SLC22A23: variants seen among roughly 807,000 people sequenced by gnomAD.
SLC22A23 encodes ion transporter protein.
Under a neutral mutation model 61.0 loss-of-function variants are expected in SLC22A23, and 26 were observed. That is an observed-to-expected ratio of 0.43 (90% CI 0.31 to 0.59). The LOEUF is 0.59. Ranked by LOEUF, SLC22A23 falls within the 20% of genes least tolerant of loss-of-function variation. The pLI, the probability that SLC22A23 is intolerant of heterozygous loss-of-function variation, is 0.11. For synonymous variants in SLC22A23, 430 were observed against 413.9 expected, an observed-to-expected ratio of 1.04 and a Z score of -0.47; for missense variants, 796 against 934.7, an observed-to-expected ratio of 0.85 and a Z score of 1.94.
chr6:3,360,586 A>G lies in SLC22A23; in HGVS notation c.914-36584T>C, dbSNP rs1437984284. The stretch of plus-strand genomic sequence containing the variant: ...ACTTTGGGGCCTTTGCACACATCCG[A>G]GTCAACCTCAACAGTCTTAGTCCAC... On this transcript the variant is annotated intron_variant, in intron 3 of 9. Coordinates refer to ENST00000406686, the MANE Select transcript of SLC22A23 (RefSeq NM_015482.2). The surrounding 1 kb of genome is among the most constrained non-coding windows in gnomAD (Gnocchi z 4.6). 6.6e-6 allele frequency among the ~76,000 whole-genome samples: 1 copy of G among 152,224 alleles called. No homozygotes were observed. The highest frequency in any genetic ancestry group is 1.5e-5 in the Non-Finnish European group (1 of 68,030).
intron 4 of SLC22A23, among the ~76,000 whole-genome samples, chr6:3,300,207 C>T (rs1182836168): frequency 1.3e-5 from 2 of 151,926 alleles, no homozygotes; most frequent in South Asian, 2.1e-4. Flanking sequence ...GATGGGGTTT[C>T]ACCATGTTGG....
intron 3 of SLC22A23, among the ~76,000 whole-genome samples, chr6:3,348,454 G>A (rs1764571280): frequency 1.3e-5 from 2 of 152,252 alleles, no homozygotes; most frequent in Admixed American, 6.5e-5. Context: ...TGTTTATCTT[G>A]CTCTCAGTTT....
Position 3,382,094 on chromosome 6 carries a change from GCT to G in SLC22A23, c.913+28092_913+28093del, listed in dbSNP as rs1766988882. Among the ~76,000 whole-genome samples the G allele has an allele frequency of 2.0e-5, 3 of 152,200 alleles. No homozygotes were observed. The South Asian group carries it at 6.2e-4, about 32-fold the overall frequency. ...TAGAGCTCTTCAAGGATGCTGCTCT[GCT>G]CTCTCAGTTCAACAAAGATAAGTCA... On this transcript the variant is annotated intron_variant, in intron 3 of 9. Coordinates refer to ENST00000406686, the MANE Select transcript of SLC22A23 (RefSeq NM_015482.2).
rs1042031944 is a variant in SLC22A23 at position 3,317,963 on chromosome 6, C to T, written c.1082+5871G>A. Among the ~76,000 whole-genome samples the T allele has an allele frequency of 6.6e-6, 1 of 152,148 alleles. No individual in the cohort carries two copies. Among genetic ancestry groups the T allele is most frequent in the Admixed American group, 6.5e-5 (1 of 15,280 alleles). On this transcript the variant is annotated intron_variant, in intron 4 of 9. Coordinates refer to ENST00000406686, the MANE Select transcript of SLC22A23 (RefSeq NM_015482.2). This position sits in a 1 kb window ranked among gnomAD's most constrained non-coding sequence, Gnocchi z 4.4. Reference sequence around the variant, plus strand: ...AGGCAGCTCGTGCAATGACATCGCTCGCCTATCTTGGCTCCACTTGCTGGA... The same window carrying T: ...AGGCAGCTCGTGCAATGACATCGCTTGCCTATCTTGGCTCCACTTGCTGGA...
intron 5 of SLC22A23, chr6:3,291,887 T>A (rs79623594): frequency 6.6e-6 from 1 of 152,162 alleles, no homozygotes; most frequent in African/African-American, 2.4e-5. Context: ...ACTGAACTCC[T>A]GATATGTTAT....
Position 3,286,779 on chromosome 6 carries a change from CTT to C in SLC22A23, c.1546+78_1546+79del. 1 of 1,232,984 alleles carries C rather than the reference CTT, an allele frequency of 8.1e-7. No individual in the cohort carries two copies. The highest frequency in any genetic ancestry group is 2.0e-5 in the Admixed American group (1 of 49,630). The allele number at this position is 1,232,984 out of a possible 1,614,324, so 76.4% of individuals were successfully genotyped here. On this transcript the variant is annotated intron_variant, in intron 7 of 9. Transcript: ENST00000406686. This position sits in a 1 kb window ranked among gnomAD's most constrained non-coding sequence, Gnocchi z 4.2. ...TAGATTTTAGAGTGGCCAGCGGAGT[CTT>C]ATGCAGCCCTTTCAAATGCCCTTGG...
chr6:3,287,207 CAT>C, intron 6 of SLC22A23, 116 bp from the exon 7 acceptor site: 1 of 914,478 alleles, frequency 1.1e-6, no homozygotes, highest in Non-Finnish European at 1.7e-6. Flanking sequence ...CTCAATGTGT[CAT>C]AGAAAAGCCC....
rs1252505365 is a variant in SLC22A23 at position 3,324,819 on chromosome 6, C to T, written c.914-817G>A. Among the ~76,000 whole-genome samples the T allele has an allele frequency of 1.3e-5, 2 of 152,226 alleles. No individual in the cohort carries two copies. Among genetic ancestry groups the T allele is most frequent in the Non-Finnish European group, 2.9e-5 (2 of 68,042 alleles). On this transcript the variant is annotated intron_variant, in intron 3 of 9. Transcript: ENST00000406686. This position sits in a 1 kb window ranked among gnomAD's most constrained non-coding sequence, Gnocchi z 4.3. Reference sequence around the variant, plus strand: ...AGTGTCTATTTTCAACAAATGACCACGGCCCCTCTTATTTGCAAGAATCTA... The same window carrying T: ...AGTGTCTATTTTCAACAAATGACCATGGCCCCTCTTATTTGCAAGAATCTA...
chr6:3,293,360 C>G (rs574376193), intron 5 of SLC22A23, among the ~76,000 whole-genome samples: 1 of 152,230 alleles, frequency 6.6e-6, no homozygotes, highest in South Asian at 2.1e-4. Context: ...GCCCCACACC[C>G]GTGTTGGGAA....
chr6:3,454,710 G>T lies in SLC22A23; in HGVS notation c.654+1196C>A, dbSNP rs898658547. On this transcript the variant is annotated intron_variant, in intron 1 of 9. Transcript: ENST00000406686. The surrounding 1 kb of genome is among the most constrained non-coding windows in gnomAD (Gnocchi z 4.3). ...ATTACCTTGCAGGGCAGCAGGGGCA[G>T]CTCAGTCAGACAGTTCCCACAGGAC... Among the ~76,000 whole-genome samples the T allele has an allele frequency of 2.0e-5, 3 of 152,202 alleles. No individual in the cohort carries two copies. Among genetic ancestry groups the T allele is most frequent in the African/African-American group, 7.2e-5 (3 of 41,452 alleles).
chr6:3,369,132 T>G (rs1169195859), intron 3 of SLC22A23, among the ~76,000 whole-genome samples: 1 of 152,134 alleles, frequency 6.6e-6, no homozygotes, highest in Non-Finnish European at 1.5e-5. Flanking sequence ...TCCTCTAGTC[T>G]TCTTCTAGCA....
At chr6:3,443,127 G>C (rs9392494) in intron 1 of SLC22A23, among the ~76,000 whole-genome samples, 1 of 152,228 alleles carries the variant, frequency 6.6e-6, no homozygotes, top group African/African-American at 2.4e-5. Flanking sequence ...AAGACATGAA[G>C]TACAATGGAG....
At position 3,372,683 on chromosome 6, in the gene SLC22A23, C is replaced by T. The variant is rs1189343138; in HGVS notation, c.913+37505G>A. ...AGCAGCAGGTGAGACCATGAGCATC[C>T]CAGGGAGCTGGAGCACAGCCGGGGC... On this transcript the variant is annotated intron_variant, in intron 3 of 9. Coordinates refer to ENST00000406686, the MANE Select transcript of SLC22A23 (RefSeq NM_015482.2). The surrounding 1 kb of genome is among the most constrained non-coding windows in gnomAD (Gnocchi z 4.7). Among the ~76,000 whole-genome samples, 1 of 152,152 alleles carries T rather than the reference C, an allele frequency of 6.6e-6. No individual in the cohort carries two copies. Among genetic ancestry groups the T allele is most frequent in the Non-Finnish European group, 1.5e-5 (1 of 68,002 alleles).
chr6:3,448,312 A>G (rs1475272956), intron 1 of SLC22A23, among the ~76,000 whole-genome samples: 2 of 152,132 alleles, frequency 1.3e-5, no homozygotes, highest in Non-Finnish European at 2.9e-5. Flanking sequence ...GCCAATTCCT[A>G]TGGTGTAAAT....
chr6:3,321,222 T>C (rs925739754), intron 4 of SLC22A23, among the ~76,000 whole-genome samples: 1 of 152,216 alleles, frequency 6.6e-6, no homozygotes, highest in South Asian at 2.1e-4. Context: ...ATGACCCACT[T>C]TTTACAGACA....
chr6:3,372,746 C>T lies in SLC22A23; in HGVS notation c.913+37442G>A, dbSNP rs769112983. Reference sequence around the variant, plus strand: ...GCCTCAGGGTGCGCAAGTCCTAGGACAATCTAGGCCAACATTCTCTTCCAA... The same window carrying T: ...GCCTCAGGGTGCGCAAGTCCTAGGATAATCTAGGCCAACATTCTCTTCCAA... On this transcript the variant is annotated intron_variant, in intron 3 of 9. Transcript: ENST00000406686. This position sits in a 1 kb window ranked among gnomAD's most constrained non-coding sequence, Gnocchi z 4.7. Among the ~76,000 whole-genome samples the T allele has an allele frequency of 1.3e-5, 2 of 152,198 alleles. No homozygotes were observed. Among genetic ancestry groups the T allele is most frequent in the Non-Finnish European group, 2.9e-5 (2 of 68,022 alleles).
chr6:3,437,745 A>ATTTTT (rs66470069), intron 1 of SLC22A23, among the ~76,000 whole-genome samples: 1 of 114,342 alleles, frequency 8.7e-6, no homozygotes, highest in African/African-American at 3.1e-5. Context: ...AACTTACTAG[A>ATTTTT]TTTTTTTTTT....
At chr6:3,311,056 A>G (rs1329525669) in intron 4 of SLC22A23, among the ~76,000 whole-genome samples, 1 of 152,236 alleles carries the variant, frequency 6.6e-6, no homozygotes, top group Non-Finnish European at 1.5e-5. Context: ...ACTGGGCACC[A>G]TCCACCTGCT....
At chr6:3,306,460 G>A (rs926144650) in intron 4 of SLC22A23, among the ~76,000 whole-genome samples, 4 of 152,222 alleles carry the variant, frequency 2.6e-5, no homozygotes, top group Non-Finnish European at 5.9e-5. Context: ...TTACTATGTG[G>A]TGGTACTATC....
Sources: allele counts gnomAD v4.1 joint callset (sites outside exome capture counted in the v4.1 genomes callset), GRCh38; gene constraint gnomAD v4.1.1; non-coding constraint Gnocchi (gnomAD v3.1); transcripts MANE v1.5; gene names NCBI Gene and HGNC (gene_info 2026-07-23, HGNC 2026-07-21).